EML5: variants seen among roughly 807,000 people sequenced by gnomAD.
The protein encoded by EML5 is EMAP like 5, also known as echinoderm microtubule-associated protein-like 5.
Under a neutral mutation model 250.0 loss-of-function variants are expected in EML5, and 120 were observed. The ratio of observed to expected loss-of-function variants is 0.48; its 90% CI spans 0.41 to 0.56. The LOEUF (loss-of-function observed/expected upper bound fraction) is 0.56, where lower values mean the gene tolerates loss of function less well. EML5 is among the 20% of genes least tolerant of loss of function. The probability of loss-of-function intolerance (pLI) is 0.00; values close to 1 mark genes in which losing one functional copy is unlikely to be tolerated. For missense variants in EML5, 2,006 were observed against 2,437.6 expected (o/e 0.82, Z 3.73); for synonymous variants, 771 against 806.5 (o/e 0.96, Z 0.75).
intron 8 of EML5, among the ~76,000 whole-genome samples, chr14:88,724,451 C>T (rs1270578535): frequency 6.6e-6 from 1 of 151,386 alleles, no homozygotes; most frequent in Non-Finnish European, 1.5e-5. Flanking sequence ...CAGAATAACC[C>T]TTTCAATACT....
At chr14:88,779,941 T>C (rs2094481017) in intron 1 of EML5, among the ~76,000 whole-genome samples, 1 of 152,114 alleles carries the variant, frequency 6.6e-6, no homozygotes, top group Non-Finnish European at 1.5e-5. Context: ...GGATCTCTCA[T>C]GTTTCTGAAA....
chr14:88,678,488 C>T (rs1040544173), intron 21 of EML5, among the ~76,000 whole-genome samples: 17 of 152,144 alleles, frequency 1.1e-4, no homozygotes, highest in African/African-American at 3.9e-4. Flanking sequence ...GCCCTAACGG[C>T]ATAGCAGACT....
intron 22 of EML5, 49 bp downstream of exon 22, chr14:88,665,288 C>T: frequency 6.5e-7 from 1 of 1,547,490 alleles, no homozygotes; most frequent in Non-Finnish European, 8.7e-7. Flanking sequence ...TACATTTATA[C>T]ACTGCCAGAC....
At chr14:88,775,629 G>T (rs552277902) in intron 1 of EML5, among the ~76,000 whole-genome samples, 1 of 152,266 alleles carries the variant, frequency 6.6e-6, no homozygotes, top group African/African-American at 2.4e-5. Flanking sequence ...TAAGGTTTTT[G>T]ACTCTAGTCC....
intron 7 of EML5, among the ~76,000 whole-genome samples, chr14:88,732,017 C>T (rs1279562520): frequency 6.6e-6 from 1 of 152,088 alleles, no homozygotes; most frequent in Non-Finnish European, 1.5e-5. Flanking sequence ...CTGTAGGTTG[C>T]CTGTTCACTC....
chr14:88,616,078 T>C lies in EML5; in HGVS notation c.5897+64A>G, dbSNP rs1395920271. The C allele has an allele frequency of 3.9e-6, 6 of 1,535,226 alleles. No individual in the cohort carries two copies. The African/African-American group carries it at 6.8e-5, about 17-fold the overall frequency. On this transcript the variant is annotated intron_variant, in intron 43 of 43. Transcript: ENST00000554922. The stretch of plus-strand genomic sequence containing the variant: ...TTTCATAAACCAAAGCTGTAGGAGT[T>C]GTTGTATTAAGTCTCTTAACTAGTA...
intron 7 of EML5, among the ~76,000 whole-genome samples, chr14:88,731,337 C>A (rs1051079753): frequency 1.3e-4 from 20 of 149,292 alleles, no homozygotes; most frequent in South Asian, 2.1e-4. Context: ...TTTGTCCTTG[C>A]GATAGTTTGC....
chr14:88,642,966 A>G lies in EML5; in HGVS notation c.4164T>C (p.Val1388=). The G allele has an allele frequency of 1.2e-6, 2 of 1,606,746 alleles. No individual in the cohort carries two copies. The highest frequency in any genetic ancestry group is 1.7e-5 in the Admixed American group (1 of 58,048). ...GYRGRDCRNN[V]HYLNDGDDII... Reference sequence around the variant, plus strand: ...TATCATCACCATCATTTAAATAGTGAACATTATTCCTACAGTCTCTGCCTC... The same window carrying G: ...TATCATCACCATCATTTAAATAGTGGACATTATTCCTACAGTCTCTGCCTC... Residue 1388 remains valine, a synonymous_variant, in exon 31 of 44, where the codon GTT becomes GTC. Coordinates refer to ENST00000554922, the MANE Select transcript of EML5 (RefSeq NM_183387.3).
rs1241064248 is a variant in EML5, at chr14:88,706,320, GAC to G, written c.1762_1763del (p.Val588LeufsTer8). 1 of 1,609,988 alleles carries G rather than the reference GAC, an allele frequency of 6.2e-7. No homozygotes were observed. The highest frequency in any genetic ancestry group is 2.2e-5 in the East Asian group (1 of 44,692). ...TTTCAGGAATAAATTTCCACTGAAAGACAGAGTGATCTGCTCCACCAATAGAA... is the reference window on the plus strand; with the variant it reads ...TTTCAGGAATAAATTTCCACTGAAAGAGAGTGATCTGCTCCACCAATAGAA... ...VISIGGADHS[V>X]FQWKFIPERK... is the part of the protein sequence containing the mutation. On this transcript the variant is annotated frameshift_variant, in exon 11 of 44. Transcript: ENST00000554922. LOFTEE classifies it high-confidence loss of function.
chr14:88,748,371 G>A (rs973908525), intron 2 of EML5, among the ~76,000 whole-genome samples: 4 of 152,112 alleles, frequency 2.6e-5, no homozygotes, highest in East Asian at 3.9e-4. Flanking sequence ...CTTTGAACTC[G>A]CTGGGCAGTC....
intron 10 of EML5, among the ~76,000 whole-genome samples, chr14:88,708,357 G>A (rs951012628): frequency 5.3e-5 from 8 of 151,942 alleles, no homozygotes; most frequent in Non-Finnish European, 7.4e-5. Context: ...ATATAACACT[G>A]AAATGTAATA....
At chr14:88,637,362 T>C (rs1201699022) in intron 32 of EML5, among the ~76,000 whole-genome samples, 2 of 152,142 alleles carry the variant, frequency 1.3e-5, no homozygotes, top group African/African-American at 4.8e-5. Context: ...GTGTTGTCTT[T>C]CAAAATAAAG....
rs955798834 is a variant in EML5 at position 88,679,678 on chromosome 14, C to A, written c.3124+2212G>T. ...CTGCACTCCAGCCTGGGTGATAGAG[C>A]AAGACTGTCTCAAAAAATAAAAATA... On this transcript the variant is annotated intron_variant, in intron 21 of 43. Coordinates refer to ENST00000554922, the MANE Select transcript of EML5 (RefSeq NM_183387.3). Among the ~76,000 whole-genome samples the A allele has an allele frequency of 8.6e-5, 13 of 151,436 alleles. 1 individual carries two copies. Among genetic ancestry groups the A allele is most frequent in the Admixed American group, 2.6e-4 (4 of 15,192 alleles).
At chr14:88,730,639 C>T (rs2093740520) in intron 7 of EML5, among the ~76,000 whole-genome samples, 1 of 152,170 alleles carries the variant, frequency 6.6e-6, no homozygotes, top group African/African-American at 2.4e-5. Context: ...GTTACAGATA[C>T]TACTCAATTG....
intron 12 of EML5, 71 bp from the exon 13 acceptor site, chr14:88,705,049 A>T: frequency 9.9e-7 from 1 of 1,006,424 alleles, no homozygotes; most frequent in Non-Finnish European, 1.4e-6. Flanking sequence ...TACTCCCAAT[A>T]TAACTTTCAG....
At chr14:88,777,223 C>G (rs2094455343) in intron 1 of EML5, among the ~76,000 whole-genome samples, 1 of 144,022 alleles carries the variant, frequency 6.9e-6, no homozygotes, top group Non-Finnish European at 1.5e-5. Flanking sequence ...AACGGAGCTC[C>G]AATACATCTG....
intron 1 of EML5, among the ~76,000 whole-genome samples, chr14:88,782,550 A>T (rs1439574864): frequency 1.3e-5 from 2 of 152,022 alleles, no homozygotes; most frequent in Non-Finnish European, 2.9e-5. Flanking sequence ...TCAGAGGAAA[A>T]ACTGGTTTCC....
At chr14:88,705,059 G>T (rs974970614) in intron 12 of EML5, 81 bp from the exon 13 acceptor site, 1 of 906,740 alleles carries the variant, frequency 1.1e-6, no homozygotes, top group Non-Finnish European at 1.6e-6. Context: ...ATAACTTTCA[G>T]ACATTGTCTG....
Position 88,615,464 on chromosome 14 carries a change from A to G in EML5, c.*354T>C, listed in dbSNP as rs535187407. ...CCATTTTGCTAAAAAGATAATGAAA[A>G]TTATCCAAATTGGGTTTTTGAGTTC... On this transcript the variant is annotated 3_prime_UTR_variant, in exon 44 of 44. Coordinates refer to ENST00000554922, the MANE Select transcript of EML5 (RefSeq NM_183387.3). The G allele has an allele frequency of 4.8e-6, 1 of 209,010 alleles. No individual in the cohort carries two copies. The highest frequency in any genetic ancestry group is 9.5e-6 in the Non-Finnish European group (1 of 105,430). The allele number at this position is 209,010 out of a possible 1,614,324, so 12.9% of individuals were successfully genotyped here.
Sources: gnomAD v4.1 joint callset for allele counts (sites outside exome capture counted in the v4.1 genomes callset) on GRCh38, gnomAD v4.1.1 for gene constraint, MANE v1.5 for transcripts, NCBI Gene and HGNC (gene_info 2026-07-23, HGNC 2026-07-21) for gene names.